Variants in CACNA2D2 observed in about 807,000 individuals in gnomAD.
CACNA2D2 encodes the protein voltage-dependent calcium channel subunit alpha-2/delta-2.
A neutral mutation model predicts 166.4 loss-of-function variants in CACNA2D2; 48 were observed. The ratio of observed to expected loss-of-function variants is 0.29; its 90% CI spans 0.23 to 0.37. The LOEUF (loss-of-function observed/expected upper bound fraction) is 0.37. Ranked by LOEUF, CACNA2D2 falls within the 10% of genes least tolerant of loss-of-function variation. The pLI, the probability that CACNA2D2 is intolerant of heterozygous loss-of-function variation, is 1.00. For missense variants in CACNA2D2, 1,122 were observed against 1,433.0 expected (o/e 0.78, Z 3.50); for synonymous variants, 561 against 573.7 (o/e 0.98, Z 0.32).
intron 3 of CACNA2D2, among the ~76,000 whole-genome samples, chr3:50,410,480 TGG>T (rs34908525): frequency 0.016 from 2,280 of 141,356 alleles, 184 homozygotes; most frequent in Admixed American, 0.14. Flanking sequence ...CTCCCTGGGA[TGG>T]GGGGGGGGGT....
intron 1 of CACNA2D2, 71 bp from the exon 2 acceptor site, chr3:50,476,270 C>G: frequency 1.6e-6 from 2 of 1,273,490 alleles, no homozygotes; most frequent in Non-Finnish European, 2.2e-6. Flanking sequence ...CCCAGCCAAC[C>G]CGGGGGCACT....
intron 3 of CACNA2D2, among the ~76,000 whole-genome samples, chr3:50,425,631 C>CT (rs1409821897): frequency 6.6e-6 from 1 of 152,164 alleles, no homozygotes; most frequent in East Asian, 1.9e-4. Context: ...TTCTCTGATC[C>CT]TAAATTAGGC....
chr3:50,371,974 C>T (rs1278474514), intron 22 of CACNA2D2, among the ~76,000 whole-genome samples: 1 of 151,958 alleles, frequency 6.6e-6, no homozygotes. Flanking sequence ...CCCTTTATCC[C>T]CTTTGCTGGA....
intron 3 of CACNA2D2, among the ~76,000 whole-genome samples, chr3:50,408,965 T>C (rs554578973): frequency 1.1e-4 from 16 of 152,206 alleles, no homozygotes; most frequent in Non-Finnish European, 1.9e-4. Context: ...GGGTCTGTTA[T>C]CCACTACACC....
chr3:50,364,706 G>T lies in CACNA2D2; in HGVS notation c.3392C>A (p.Pro1131Gln), dbSNP rs1559869119. 1 of 1,545,644 alleles carries T rather than the reference G, an allele frequency of 6.5e-7. No homozygotes were observed. The highest frequency in any genetic ancestry group is 8.7e-7 in the Non-Finnish European group (1 of 1,144,924). The change falls in exon 38 of 38, where the codon CCG becomes CAG. Residue 1131 changes from proline to glutamine, a missense_variant. By Grantham distance (76) the Pro-to-Gln change is moderately conservative (BLOSUM62 -1). Coordinates refer to ENST00000424201, the MANE Select transcript of CACNA2D2 (RefSeq NM_006030.4). ...GGCGTGGACGAGGACTTGAGGCTGC[G>T]GCCGGGGCGGCAGGCCCAGGAGGAG... ...LLLLLGLPPR[P>Q]QPQVLVHASR...
At chr3:50,446,029 T>C (rs1237042287) in intron 2 of CACNA2D2, among the ~76,000 whole-genome samples, 2 of 152,236 alleles carry the variant, frequency 1.3e-5, no homozygotes, top group Non-Finnish European at 2.9e-5. Flanking sequence ...CCGTGCACAG[T>C]GTTTGCCATG....
intron 1 of CACNA2D2, among the ~76,000 whole-genome samples, chr3:50,498,268 A>C (rs1226281775): frequency 6.6e-6 from 1 of 151,272 alleles, no homozygotes; most frequent in East Asian, 1.9e-4. Context: ...TGGTTCCCAA[A>C]CCCCCCAAGT....
At position 50,375,709 on chromosome 3, in the gene CACNA2D2, G is replaced by T; in HGVS notation, c.1846-4C>A. On this transcript the variant is annotated splice_polypyrimidine_tract_variant and splice_region_variant and intron_variant, in intron 20 of 37. Coordinates refer to ENST00000424201, the MANE Select transcript of CACNA2D2 (RefSeq NM_006030.4). The surrounding 1 kb of genome is among the most constrained non-coding windows in gnomAD (Gnocchi z 4.0). ...GTGTCACCTCATCTATGTACCTCTG[G>T]GAGAGGAGGCTGGGTCAGGTACTTG... 1.9e-6 allele frequency: 3 copies of T among 1,613,302 alleles called. No individual in the cohort carries two copies. Among genetic ancestry groups the T allele is most frequent in the Non-Finnish European group, 2.5e-6 (3 of 1,179,938 alleles).
In CACNA2D2 at chr3:50,378,902, G is replaced by A. The variant is rs587596090; in HGVS notation, c.1339+13C>T. 11 of 1,612,968 alleles carry A rather than the reference G, an allele frequency of 6.8e-6. No homozygotes were observed. The highest frequency in any genetic ancestry group is 5.3e-5 in the African/African-American group (4 of 75,034). On this transcript the variant is annotated intron_variant, in intron 13 of 37. Transcript: ENST00000424201. ...GCAGGCAGGCCCCTGACAGTGATGCGCAGGGGAGGTACCTTTGTTGGCACA... is the reference window on the plus strand; with the variant it reads ...GCAGGCAGGCCCCTGACAGTGATGCACAGGGGAGGTACCTTTGTTGGCACA...
At chr3:50,426,628 C>T (rs1707819574) in intron 3 of CACNA2D2, among the ~76,000 whole-genome samples, 1 of 152,148 alleles carries the variant, frequency 6.6e-6, no homozygotes, top group Non-Finnish European at 1.5e-5. Context: ...TGCACACCAG[C>T]CCCCTAGACC....
intron 1 of CACNA2D2, among the ~76,000 whole-genome samples, chr3:50,502,557 C>A (rs550181526): frequency 6.6e-6 from 1 of 152,218 alleles, no homozygotes. Context: ...CAGGCGCAGG[C>A]AGGGGTCCTT....
At chr3:50,488,644 C>G (rs1397749391) in intron 1 of CACNA2D2, among the ~76,000 whole-genome samples, 3 of 151,266 alleles carry the variant, frequency 2.0e-5, no homozygotes, top group Non-Finnish European at 4.4e-5. Flanking sequence ...TACCACCCCC[C>G]TAGCAAGAAG....
intron 1 of CACNA2D2, among the ~76,000 whole-genome samples, chr3:50,495,659 C>T (rs1698695304): frequency 6.6e-6 from 1 of 152,164 alleles, no homozygotes; most frequent in African/African-American, 2.4e-5. Context: ...TGTCTTGCTG[C>T]GGGGAGGACC....
At chr3:50,447,766 C>T (rs1708918934) in intron 2 of CACNA2D2, among the ~76,000 whole-genome samples, 1 of 152,102 alleles carries the variant, frequency 6.6e-6, no homozygotes. Context: ...GCCTGCTTGC[C>T]CAGAACTCCA....
At position 50,363,558 on chromosome 3, in the gene CACNA2D2, TA is replaced by T; in HGVS notation, c.*1107del. ...TGTGTGTGTAGGGGTGGGAAGGAGATAGGGAGTGGGCACAGGCCTGAGTGTG... is the reference window on the plus strand; with the variant it reads ...TGTGTGTGTAGGGGTGGGAAGGAGATGGGAGTGGGCACAGGCCTGAGTGTG... On this transcript the variant is annotated 3_prime_UTR_variant, in exon 38 of 38. Transcript: ENST00000424201. 1 of 317,504 alleles carries T rather than the reference TA, an allele frequency of 3.1e-6. No individual in the cohort carries two copies. The highest frequency in any genetic ancestry group is 5.1e-5 in the Admixed American group (1 of 19,714). 19.7% of individuals were successfully genotyped at this position (317,504 alleles called of 1,614,324 possible).
chr3:50,470,886 G>A (rs1023054850), intron 2 of CACNA2D2, among the ~76,000 whole-genome samples: 10 of 152,230 alleles, frequency 6.6e-5, no homozygotes, highest in Non-Finnish European at 5.9e-5. Flanking sequence ...CGTCTCAGAC[G>A]CCCTCCCGGG....
At chr3:50,385,781 T>G (rs959576589) in intron 5 of CACNA2D2, among the ~76,000 whole-genome samples, 1 of 152,182 alleles carries the variant, frequency 6.6e-6, no homozygotes, top group African/African-American at 2.4e-5. Context: ...AGCGGCCGAC[T>G]GTGAGGCGTG....
intron 2 of CACNA2D2, among the ~76,000 whole-genome samples, chr3:50,448,527 A>G (rs2236976): frequency 0.097 from 14,757 of 152,142 alleles, 2,099 homozygotes; most frequent in African/African-American, 0.31. Context: ...AGGTACTCAC[A>G]TATCCTGGTG....
chr3:50,405,590 T>A (rs992187260), intron 3 of CACNA2D2, among the ~76,000 whole-genome samples: 1 of 152,176 alleles, frequency 6.6e-6, no homozygotes, highest in African/African-American at 2.4e-5. Flanking sequence ...ACAGAAACGG[T>A]AGGTCTGCTC....
Sources: gnomAD v4.1 joint callset for allele counts (sites outside exome capture counted in the v4.1 genomes callset) on GRCh38, gnomAD v4.1.1 for gene constraint, Gnocchi (gnomAD v3.1) non-coding constraint, MANE v1.5 for transcripts, NCBI Gene and HGNC (gene_info 2026-07-23, HGNC 2026-07-21) for gene names.